The following RYR1 variants were observed in gnomAD, a reference collection of about 807,000 sequenced individuals.
RYR1 encodes the protein ryanodine receptor 1, also known as central core disease of muscle.
A neutral mutation model predicts 583.5 loss-of-function variants in RYR1; 342 were observed. That is an observed-to-expected ratio of 0.59 (90% CI 0.54 to 0.64). RYR1 has a LOEUF of 0.64. RYR1 is among the 30% of genes least tolerant of loss of function. The pLI is 0.00. For missense variants in RYR1, 6,032 were observed against 6,917.2 expected, an observed-to-expected ratio of 0.87 and a Z score of 4.54; for synonymous variants, 2,791 against 2,822.5, an observed-to-expected ratio of 0.99 and a Z score of 0.35.
At position 38,532,879 on chromosome 19, in the gene RYR1, C is replaced by G. The variant is rs1023420879; in HGVS notation, c.11259+143C>G. 3.0e-5 allele frequency: 24 copies of G among 792,528 alleles called. No individual in the cohort carries two copies. In the African/African-American group the frequency reaches 3.9e-4, roughly 13 times the overall value. The allele number at this position is 792,528 out of a possible 1,614,324, so 49.1% of individuals were successfully genotyped here. A position where few individuals can be genotyped will look rare whatever the true frequency, so the allele number is the denominator to read the frequency against. ...TCAGTCCACTGGGGAGACAGATACA[C>G]CCGCCAAACTAACACCACGGAGTGT... is the stretch of plus-strand genomic sequence containing the variant. On this transcript the variant is annotated intron_variant, in intron 78 of 105. Coordinates refer to ENST00000359596, the MANE Select transcript of RYR1 (RefSeq NM_000540.3).
In RYR1 at chr19:38,433,796, C is replaced by G; in HGVS notation, c.-34C>G. 2 of 1,572,684 alleles carry G rather than the reference C, an allele frequency of 1.3e-6. No individual in the cohort carries two copies. The highest frequency in any genetic ancestry group is 1.1e-5 in the South Asian group (1 of 90,214). ...CCCGCAGCCCCCTCCCTCTGTTCCCCGACCTCAGACCCTGGGCTTCCGACC... is the reference window on the plus strand; with the variant it reads ...CCCGCAGCCCCCTCCCTCTGTTCCCGGACCTCAGACCCTGGGCTTCCGACC... On this transcript the variant is annotated 5_prime_UTR_variant, in exon 1 of 106. Coordinates refer to ENST00000359596, the MANE Select transcript of RYR1 (RefSeq NM_000540.3).
intron 93 of RYR1, among the ~76,000 whole-genome samples, 176 bp from the exon 94 acceptor site, chr19:38,570,431 G>C (rs1198794952): frequency 1.3e-5 from 2 of 152,066 alleles, no homozygotes; most frequent in African/African-American, 4.8e-5. Context: ...CAGCCTGGAC[G>C]ACAGAGCAAG....
At chr19:38,536,880 C>A in intron 83 of RYR1, 113 bp downstream of exon 83, 1 of 1,180,490 alleles carries the variant, frequency 8.5e-7, no homozygotes, top group South Asian at 1.3e-5. Context: ...AGGGAGGGAC[C>A]CTTCAGCAGG....
chr19:38,455,269 G>A lies in RYR1; in HGVS notation c.1475G>A (p.Arg492His), dbSNP rs901087791. 2.3e-5 allele frequency: 37 copies of A among 1,613,892 alleles called. No individual in the cohort carries two copies. The highest frequency in any genetic ancestry group is 8.0e-5 in the African/African-American group (6 of 74,868). ...TCCATGGTCCTGAATTGCATAGACC[G>A]CCTAAATGTCTACACCACTGCTGCC... ...MLSMVLNCID[R>H]LNVYTTAAHF... Residue 492 changes from arginine (R) to histidine (H), a missense_variant, in exon 14 of 106, where the codon CGC becomes CAC. Physicochemically the swap from Arg to His is conservative, Grantham distance 29 (BLOSUM62 0). This residue lies in a region of RYR1 where 2,627 missense variants were observed against 2,961.3 expected (regional missense o/e 0.89). Coordinates refer to ENST00000359596, the MANE Select transcript of RYR1 (RefSeq NM_000540.3).
At chr19:38,505,252 G>A (rs1009161989) in intron 52 of RYR1, 57 bp from the exon 53 acceptor site, 17 of 1,320,788 alleles carry the variant, frequency 1.3e-5, no homozygotes, top group Middle Eastern at 4.7e-4. Flanking sequence ...CTCCAGGGTC[G>A]CCCCGTGTGT....
In RYR1 at chr19:38,587,327, G is replaced by A. The variant is rs757000747; in HGVS notation, c.15024G>A (p.Glu5008=). 6.2e-7 allele frequency: 1 copy of A among 1,611,310 alleles called. No individual in the cohort carries two copies. The highest frequency in any genetic ancestry group is 8.5e-7 in the Non-Finnish European group (1 of 1,177,476). Residue 5008 remains glutamate, a splice_region_variant and synonymous_variant, in exon 106 of 106, where the codon GAG becomes GAA. Coordinates refer to ENST00000359596, the MANE Select transcript of RYR1 (RefSeq NM_000540.3). ...NKDETEHTGQ[E]SYVWKMYQER... ...ACTCTTTCTATCCCCAATCCTAGGA[G>A]TCTTATGTCTGGAAGATGTACCAAG...
chr19:38,458,717 C>T (rs963493442), intron 18 of RYR1, among the ~76,000 whole-genome samples: 4 of 152,124 alleles, frequency 2.6e-5, no homozygotes, highest in Admixed American at 1.3e-4. Context: ...CTCTGCCTCT[C>T]GGGTTCAAGT....
At position 38,567,847 on chromosome 19, in the gene RYR1, C is replaced by A. The variant is rs754384042; in HGVS notation, c.13589C>A (p.Pro4530His). 1 of 1,614,142 alleles carries A rather than the reference C, an allele frequency of 6.2e-7. No individual in the cohort carries two copies. The highest frequency in any genetic ancestry group is 2.2e-5 in the East Asian group (1 of 44,886). The change falls in exon 93 of 106, where the codon CCC becomes CAC. Residue 4530 changes from proline (P) to histidine (H), a missense_variant. Coordinates refer to ENST00000359596, the MANE Select transcript of RYR1 (RefSeq NM_000540.3). ...EPPKKQAPPS[P>H]PPKKEEAGGE... ...CCCAAGAAGCAAGCACCTCCCTCACCCCCTCCAAAGAAGGAGGAAGCTGGA... is the reference window on the plus strand; with the variant it reads ...CCCAAGAAGCAAGCACCTCCCTCACACCCTCCAAAGAAGGAGGAAGCTGGA...
At chr19:38,556,048 G>A (rs1251030005) in intron 89 of RYR1, among the ~76,000 whole-genome samples, 1 of 152,054 alleles carries the variant, frequency 6.6e-6, no homozygotes, top group East Asian at 1.9e-4. Context: ...ATTTTTAGTA[G>A]AGACAAGGTT....
In RYR1 at chr19:38,483,001, C is replaced by T. The variant is rs936118544; in HGVS notation, c.4621-26C>T. The T allele has an allele frequency of 1.2e-6, 2 of 1,604,668 alleles. No homozygotes were observed. Among genetic ancestry groups the T allele is most frequent in the African/African-American group, 2.7e-5 (2 of 74,648 alleles). On this transcript the variant is annotated intron_variant, in intron 31 of 105. Coordinates refer to ENST00000359596, the MANE Select transcript of RYR1 (RefSeq NM_000540.3). This position sits in a 1 kb window ranked among gnomAD's most constrained non-coding sequence, Gnocchi z 6.3. ...CCTCCCTCCAGCCCACCCGTTTGCT[C>T]ACCTCGTCCTCTTCTCCTCTGCCAG...
rs527257493 is a variant in RYR1, at chr19:38,485,845, C to G, written c.5190C>G (p.Leu1730=). 2 of 1,613,890 alleles carry G rather than the reference C, an allele frequency of 1.2e-6. No individual in the cohort carries two copies. The highest frequency in any genetic ancestry group is 2.7e-5 in the African/African-American group (2 of 75,070). Residue 1730 remains leucine, a synonymous_variant, in exon 34 of 106, where the codon CTC becomes CTG. Transcript: ENST00000359596. The part of the protein sequence containing the change: ...ESACRSRRSM[L]SEYIVPLTPE... ...CCTGCCGCAGCCGCCGCTCCATGCTCTCTGAATACATCGTGCCCCTCACGC... is the reference window on the plus strand; with the variant it reads ...CCTGCCGCAGCCGCCGCTCCATGCTGTCTGAATACATCGTGCCCCTCACGC...
chr19:38,459,398 T>C (rs1967609033), intron 19 of RYR1, 60 bp downstream of exon 19: 2 of 1,514,344 alleles, frequency 1.3e-6, no homozygotes, highest in Non-Finnish European at 1.8e-6. Context: ...CTGAGACAGC[T>C]TCCCCAGTCA....
chr19:38,569,355 A>T (rs1188383442), intron 93 of RYR1, among the ~76,000 whole-genome samples: 1 of 151,784 alleles, frequency 6.6e-6, no homozygotes, highest in Non-Finnish European at 1.5e-5. Context: ...CTTGCAGAGC[A>T]GGGCTACCCT....
chr19:38,524,038 C>A, intron 70 of RYR1, 109 bp downstream of exon 70: 1 of 1,270,730 alleles, frequency 7.9e-7, no homozygotes. Context: ...TCCCCACCCC[C>A]GTCCTCCCCT....
chr19:38,537,588 A>C (rs1262180671), intron 83 of RYR1, among the ~76,000 whole-genome samples: 5 of 152,134 alleles, frequency 3.3e-5, no homozygotes, highest in Non-Finnish European at 4.4e-5. Flanking sequence ...CCCGAACGTA[A>C]CACAAGTGGT....
chr19:38,474,564 CTTTTTTTTTTTTTTTTT>C, intron 28 of RYR1, among the ~76,000 whole-genome samples: 1 of 88,226 alleles, frequency 1.1e-5, no homozygotes, highest in East Asian at 2.7e-4. Context: ...CGCCCGGCTC[CTTTTTTTTTTTTTTTTT>C]TTTTTTTTTT....
intron 33 of RYR1, among the ~76,000 whole-genome samples, 189 bp from the exon 34 acceptor site, chr19:38,485,401 G>A (rs1013551032): frequency 1.3e-5 from 2 of 152,152 alleles, no homozygotes; most frequent in African/African-American, 4.8e-5. Context: ...GCCTTTCTGG[G>A]GTCTGTGCCT....
rs1056312488 is a variant in RYR1, at chr19:38,503,112, C to T, written c.7926+142C>T. The T allele has an allele frequency of 5.0e-6, 4 of 793,954 alleles. No homozygotes were observed. In the African/African-American group the frequency reaches 6.8e-5, roughly 13 times the overall value. 49.2% of individuals were successfully genotyped at this position (793,954 alleles called of 1,614,324 possible). On this transcript the variant is annotated intron_variant, in intron 49 of 105. Transcript: ENST00000359596. ...GTTAGGGCAGCGTCCCCGTAGAAAT[C>T]TCTTAGCATCCTTATTTGCATACTA... is the stretch of plus-strand genomic sequence containing the variant.
In RYR1 at chr19:38,483,307, A is replaced by G; in HGVS notation, c.4725A>G (p.Ser1575=). The G allele has an allele frequency of 6.4e-7, 1 of 1,559,978 alleles. No homozygotes were observed. Among genetic ancestry groups the G allele is most frequent in the South Asian group, 1.2e-5 (1 of 85,104 alleles). The change falls in exon 33 of 106, where the codon TCA becomes TCG. Residue 1575 remains serine (S), a synonymous_variant. Transcript: ENST00000359596. This position sits in a 1 kb window ranked among gnomAD's most constrained non-coding sequence, Gnocchi z 6.3. The part of the protein sequence containing the change: ...LGKQKNIMPL[S]AAMFQSERKN... ...GCCCTCAGAACATCATGCCGTTGTC[A>G]GCCGCCATGTTCCAAAGCGAGCGCA... is the stretch of plus-strand genomic sequence containing the variant.
Sources: allele counts gnomAD v4.1 joint callset (sites outside exome capture counted in the v4.1 genomes callset), GRCh38; gene constraint gnomAD v4.1.1; regional missense constraint gnomAD v4.1.1; non-coding constraint Gnocchi (gnomAD v3.1); transcripts MANE v1.5; gene names NCBI Gene and HGNC (gene_info 2026-07-23, HGNC 2026-07-21).